The following BCORL1 variants were observed in gnomAD, a reference collection of about 807,000 sequenced individuals.
BCORL1 encodes BCL6 corepressor like 1.
Under a neutral mutation model 87.6 loss-of-function variants are expected in BCORL1, and 7 were observed. The ratio of observed to expected loss-of-function variants is 0.08; its 90% CI spans 0.05 to 0.15. BCORL1 has a LOEUF of 0.15. Among genes scored for constraint, BCORL1 ranks in the 10% least tolerant of loss-of-function variants. BCORL1 has a pLI of 1.00. For synonymous variants in BCORL1, 591 were observed against 634.4 expected, an observed-to-expected ratio of 0.93 and a Z score of 1.03; for missense variants, 1,215 against 1,499.7, an observed-to-expected ratio of 0.81 and a Z score of 3.13.
At chrX:129,996,642 A>AG (rs1288957819) in intron 1 of BCORL1, among the ~76,000 whole-genome samples, 1 of 111,507 alleles carries the variant, frequency 9.0e-6, no homozygotes. Context: ...TTTTTGAGAC[A>AG]GGATCTCTCT....
chrX:130,017,873 C>T (rs1269334981), intron 4 of BCORL1, among the ~76,000 whole-genome samples: 2 of 111,367 alleles, frequency 1.8e-5, no homozygotes, highest in East Asian at 2.8e-4. Context: ...TGGGCTGAAG[C>T]GATCCTCCTG....
chrX:129,990,216 A>G (rs1434642204), intron 1 of BCORL1, among the ~76,000 whole-genome samples: 2 of 111,064 alleles, frequency 1.8e-5, no homozygotes, highest in Non-Finnish European at 3.8e-5. Flanking sequence ...GGGACCTATT[A>G]TTTTATATAT....
At chrX:130,053,212 T>C (rs772988437) in intron 13 of BCORL1, among the ~76,000 whole-genome samples, 272 of 111,581 alleles carry the variant, frequency 2.4e-3, no homozygotes, top group African/African-American at 8.6e-3. Flanking sequence ...AGGTAGACGA[T>C]GGATGAGGAG....
In BCORL1 at chrX:130,005,192, A is replaced by G. The variant is rs1243101004; in HGVS notation, c.-40A>G. On this transcript the variant is annotated 5_prime_UTR_variant, in exon 2 of 14. Coordinates refer to ENST00000540052, the MANE Select transcript of BCORL1 (RefSeq NM_001379451.1). ...TTCTGGAATTCTTTTCCCCAGGGGG[A>G]GTGGCCACAGCAGGTCCTATCTGGT... The G allele has an allele frequency of 6.4e-6, 7 of 1,097,580 alleles. No homozygotes were observed. The highest frequency in any genetic ancestry group is 8.7e-6 in the Non-Finnish European group (7 of 808,457). The allele number at this position is 1,097,580 out of a possible 1,213,427, so 90.5% of individuals were successfully genotyped here. A position where few individuals can be genotyped will look rare whatever the true frequency, so the allele number is the denominator to read the frequency against.
intron 1 of BCORL1, among the ~76,000 whole-genome samples, chrX:129,983,186 T>C (rs1180525517): frequency 1.8e-5 from 2 of 108,926 alleles, no homozygotes; most frequent in African/African-American, 6.7e-5. Flanking sequence ...CCTTCTCTCT[T>C]AGCCAGGTGA....
At chrX:130,041,870 G>A (rs1432904106) in intron 11 of BCORL1, among the ~76,000 whole-genome samples, 1 of 111,563 alleles carries the variant, frequency 9.0e-6, no homozygotes, top group Non-Finnish European at 1.9e-5. Context: ...CTCGTGATCC[G>A]CCCGCCTCGG....
At chrX:130,033,846 G>A (rs945726097) in intron 8 of BCORL1, among the ~76,000 whole-genome samples, 1 of 110,886 alleles carries the variant, frequency 9.0e-6, no homozygotes, top group African/African-American at 3.3e-5. Context: ...GCTGGGCATG[G>A]TGGCGCATAC....
intron 1 of BCORL1, among the ~76,000 whole-genome samples, chrX:129,986,290 AAAAGCTAAGGC>A (rs1926616519): frequency 8.9e-6 from 1 of 112,268 alleles, no homozygotes; most frequent in African/African-American, 3.2e-5. Flanking sequence ...TAGGGCAGAG[AAAAGCTAAGGC>A]CCTGGCAAGC....
At chrX:130,036,771 G>A (rs913085476) in intron 9 of BCORL1, among the ~76,000 whole-genome samples, 2 of 112,313 alleles carry the variant, frequency 1.8e-5, no homozygotes, top group Non-Finnish European at 3.8e-5. Context: ...CTGAGTGCTT[G>A]AGCTCTGGGC....
rs776306357 is a variant in BCORL1 at position 130,015,345 on chromosome X, C to G, written c.2573C>G (p.Ala858Gly). The change falls in exon 4 of 14, where the codon GCG (alanine) becomes GGG (glycine). Residue 858 changes from alanine (A) to glycine (G), a missense_variant. By Grantham distance (60) the Ala-to-Gly change is moderately conservative. Transcript: ENST00000540052. ...GGGCAGCTGACCCCCAGTCAGGGGG[C>G]GCCCATCAGGCCCACCAGCGTTGTT... ...SAGQLTPSQG[A>G]PIRPTSVVSE... The G allele has an allele frequency of 2.5e-6, 3 of 1,211,759 alleles. No homozygotes were observed. The highest frequency in any genetic ancestry group is 3.3e-6 in the Non-Finnish European group (3 of 895,546).
rs1929241495 is a variant in BCORL1, at chrX:130,014,397, A to G, written c.1625A>G (p.Asp542Gly). 8.3e-7 allele frequency: 1 copy of G among 1,209,232 alleles called. No individual in the cohort carries two copies. The highest frequency in any genetic ancestry group is 1.8e-5 in the African/African-American group (1 of 56,899). Residue 542 changes from aspartate (D) to glycine (G), a missense_variant, in exon 4 of 14, where the codon GAT (aspartate) becomes GGT (glycine). Transcript: ENST00000540052. ...SGSTTTQPAP[D>G]GVPGPLADTS... is the part of the protein sequence containing the mutation. ...AGCACCACCACCCAGCCTGCACCCG[A>G]TGGGGTCCCTGGGCCTTTGGCAGAT...
At chrX:130,011,887 C>T (rs1929004263) in intron 2 of BCORL1, among the ~76,000 whole-genome samples, 1 of 110,074 alleles carries the variant, frequency 9.1e-6, no homozygotes, top group African/African-American at 3.3e-5. Context: ...AGGGTGTTGC[C>T]TAGAACTCTA....
At chrX:130,048,820 G>A (rs1463361355) in intron 11 of BCORL1, among the ~76,000 whole-genome samples, 3 of 111,386 alleles carry the variant, frequency 2.7e-5, no homozygotes, top group South Asian at 7.6e-4. Flanking sequence ...ATACCCTCCC[G>A]CTCTCCCCCA....
At chrX:130,037,607 C>T (rs1314147226) in intron 10 of BCORL1, 74 bp downstream of exon 10, 30 of 1,100,467 alleles carry the variant, frequency 2.7e-5, no homozygotes, top group Non-Finnish European at 2.3e-5. Flanking sequence ...ACCTTGCCTG[C>T]CGCTGGCAGG....
At position 130,015,814 on chromosome X, in the gene BCORL1, C is replaced by T. The variant is rs775786936; in HGVS notation, c.3042C>T (p.His1014=). ...TGCCTGAGCTGCCTTTGCTACCTCA[C>T]GACAGCCACCCCAAGGAACTTATAT... ...PKMPELPLLP[H]DSHPKELILD... Residue 1014 remains histidine (H), a synonymous_variant, in exon 4 of 14, where the codon CAC becomes CAT. Transcript: ENST00000540052. The T allele has an allele frequency of 2.7e-5, 33 of 1,210,133 alleles. No individual in the cohort carries two copies. The East Asian group carries it at 4.7e-4, about 17-fold the overall frequency.
At position 130,014,198 on chromosome X, in the gene BCORL1, C is replaced by T; in HGVS notation, c.1426C>T (p.Leu476Phe). 8.3e-7 allele frequency: 1 copy of T among 1,210,915 alleles called. No homozygotes were observed. Among genetic ancestry groups the T allele is most frequent in the Non-Finnish European group, 1.1e-6 (1 of 895,168 alleles). Residue 476 changes from leucine (L) to phenylalanine (F), a missense_variant, in exon 4 of 14, where the codon CTT becomes TTT. Physicochemically the swap from Leu to Phe is conservative, Grantham distance 22. Coordinates refer to ENST00000540052, the MANE Select transcript of BCORL1 (RefSeq NM_001379451.1). ...AACCACTCTAGGGGTTTCCTCCACT[C>T]TTACGCTCCCTGTCCTGCCGTCCTA... is the stretch of plus-strand genomic sequence containing the variant. Reference protein sequence around the residue: ...LPTTLGVSSTLTLPVLPSYLQ... With the variant: ...LPTTLGVSSTFTLPVLPSYLQ...
intron 1 of BCORL1, among the ~76,000 whole-genome samples, chrX:129,991,004 C>T (rs1927101462): frequency 8.9e-6 from 1 of 112,073 alleles, no homozygotes; most frequent in Non-Finnish European, 1.9e-5. Context: ...GGCGTGATCT[C>T]GGCTTACTGC....
In BCORL1 at chrX:130,015,399, G is replaced by C; in HGVS notation, c.2627G>C (p.Ser876Thr). The part of the protein sequence containing the change: ...VSEFSGVPSL[S>T]SSEAVHGLPE... ...GAGTTTTCTGGTGTGCCATCTCTCA[G>C]CTCCAGCGAAGCCGTGCACGGACTT... The change falls in exon 4 of 14, where the codon AGC (serine) becomes ACC (threonine). Residue 876 changes from serine to threonine, a missense_variant. Physicochemically the swap from Ser to Thr is moderately conservative, Grantham distance 58 (BLOSUM62 1). Coordinates refer to ENST00000540052, the MANE Select transcript of BCORL1 (RefSeq NM_001379451.1). 1 of 1,212,291 alleles carries C rather than the reference G, an allele frequency of 8.2e-7. No homozygotes were observed. Among genetic ancestry groups the C allele is most frequent in the Non-Finnish European group, 1.1e-6 (1 of 895,667 alleles).
At chrX:129,987,706 T>C (rs1926750420) in intron 1 of BCORL1, among the ~76,000 whole-genome samples, 2 of 109,991 alleles carry the variant, frequency 1.8e-5, no homozygotes, top group African/African-American at 6.6e-5. Context: ...AATTGGAGGG[T>C]GGGGTTAGGG....
Sources: gnomAD v4.1 joint callset for allele counts (sites outside exome capture counted in the v4.1 genomes callset) on GRCh38, gnomAD v4.1.1 for gene constraint, MANE v1.5 for transcripts, NCBI Gene and HGNC (gene_info 2026-07-23, HGNC 2026-07-21) for gene names.